The following GRM8 variants were observed in gnomAD, a reference collection of about 807,000 sequenced individuals.
GRM8 encodes metabotropic glutamate receptor 8.
GRM8 carries 47 observed loss-of-function variants against 87.2 expected under a neutral mutation model. That is an observed-to-expected ratio of 0.54 (90% CI 0.43 to 0.69). The LOEUF is 0.69. Among genes scored for constraint, GRM8 ranks in the 30% least tolerant of loss-of-function variants. GRM8 has a pLI of 0.00. For synonymous variants in GRM8, 396 were observed against 404.5 expected (o/e 0.98, Z 0.25); for missense variants, 1,019 against 1,139.2 (o/e 0.89, Z 1.52).
chr7:126,693,572 T>A lies in GRM8; in HGVS notation c.1357+76293A>T, dbSNP rs531060259. On this transcript the variant is annotated intron_variant, in intron 7 of 10. Coordinates refer to ENST00000339582, the MANE Select transcript of GRM8 (RefSeq NM_000845.3). ...TTATATTCCAATCTATTGACATTTA[T>A]ATATCCTTTGTTTTCTAACATAAAA... Among the ~76,000 whole-genome samples, 12 of 152,292 alleles carry A rather than the reference T, an allele frequency of 7.9e-5. No homozygotes were observed. The South Asian group carries it at 2.5e-3, about 32-fold the overall frequency.
At chr7:126,958,200 T>A (rs1223070808) in intron 3 of GRM8, among the ~76,000 whole-genome samples, 1 of 152,122 alleles carries the variant, frequency 6.6e-6, no homozygotes, top group East Asian at 1.9e-4. Flanking sequence ...TCATTCTTCC[T>A]GGATGTGGGA....
At chr7:126,727,919 T>C (rs1403183030) in intron 7 of GRM8, among the ~76,000 whole-genome samples, 1 of 152,176 alleles carries the variant, frequency 6.6e-6, no homozygotes, top group East Asian at 1.9e-4. Context: ...TTATTGTATG[T>C]ACACATGAGC....
intron 7 of GRM8, among the ~76,000 whole-genome samples, chr7:126,693,805 A>G (rs971122483): frequency 6.6e-6 from 1 of 152,096 alleles, no homozygotes; most frequent in African/African-American, 2.4e-5. Context: ...CTTCTTATCA[A>G]TCCAAAATAT....
chr7:126,645,131 A>T (rs1802895059), intron 7 of GRM8, among the ~76,000 whole-genome samples: 1 of 152,194 alleles, frequency 6.6e-6, no homozygotes, highest in African/African-American at 2.4e-5. Context: ...CAGGGACCAA[A>T]AACCACCTTT....
chr7:126,839,843 A>G (rs1326911100), intron 6 of GRM8, among the ~76,000 whole-genome samples: 1 of 152,098 alleles, frequency 6.6e-6, no homozygotes, highest in Non-Finnish European at 1.5e-5. Context: ...TGCTTAATTG[A>G]ATTATTCACA....
At chr7:126,598,880 C>T (rs771783463) in intron 8 of GRM8, among the ~76,000 whole-genome samples, 20 of 152,200 alleles carry the variant, frequency 1.3e-4, no homozygotes, top group Admixed American at 4.6e-4. Context: ...TCTCTTCATT[C>T]CCCACAATGT....
intron 9 of GRM8, among the ~76,000 whole-genome samples, chr7:126,449,317 G>C (rs1271391877): frequency 2.0e-5 from 3 of 151,668 alleles, no homozygotes; most frequent in Non-Finnish European, 4.4e-5. Flanking sequence ...TTTCTTCTCT[G>C]AACAGTAAGT....
intron 7 of GRM8, among the ~76,000 whole-genome samples, chr7:126,719,300 A>C (rs1280884901): frequency 6.6e-6 from 1 of 152,228 alleles, no homozygotes; most frequent in Non-Finnish European, 1.5e-5. Flanking sequence ...ATATAAAAGG[A>C]TATTTTGAAA....
At chr7:126,754,553 A>C (rs1470230869) in intron 7 of GRM8, among the ~76,000 whole-genome samples, 2 of 151,944 alleles carry the variant, frequency 1.3e-5, no homozygotes, top group African/African-American at 4.8e-5. Flanking sequence ...GCAATTCAAA[A>C]TCTACTTTTA....
chr7:127,244,632 G>A (rs909399753), intron 1 of GRM8, among the ~76,000 whole-genome samples: 3 of 152,010 alleles, frequency 2.0e-5, no homozygotes, highest in African/African-American at 7.3e-5. Flanking sequence ...CCTGAAATTT[G>A]GACAGTTCTC....
intron 2 of GRM8, among the ~76,000 whole-genome samples, chr7:127,220,233 TC>T (rs1796833990): frequency 6.6e-6 from 1 of 152,128 alleles, no homozygotes; most frequent in Non-Finnish European, 1.5e-5. Flanking sequence ...CCCAGAGCTG[TC>T]CAGTTCCAGC....
chr7:126,746,924 AAG>A (rs1294631462), intron 7 of GRM8, among the ~76,000 whole-genome samples: 1 of 151,852 alleles, frequency 6.6e-6, no homozygotes, highest in Non-Finnish European at 1.5e-5. Flanking sequence ...ATATAAAAGA[AAG>A]AACACAGTAA....
intron 6 of GRM8, among the ~76,000 whole-genome samples, chr7:126,808,795 C>G (rs1372623121): frequency 6.6e-6 from 1 of 152,024 alleles, no homozygotes; most frequent in Non-Finnish European, 1.5e-5. Flanking sequence ...TTCCAGAGTC[C>G]TCCTCTATTC....
At chr7:126,693,730 T>A (rs1398535028) in intron 7 of GRM8, among the ~76,000 whole-genome samples, 1 of 152,274 alleles carries the variant, frequency 6.6e-6, no homozygotes, top group East Asian at 1.9e-4. Flanking sequence ...CTAGACAGTT[T>A]TCTTTGTTTT....
intron 6 of GRM8, among the ~76,000 whole-genome samples, chr7:126,822,540 T>G (rs1586077540): frequency 6.6e-6 from 1 of 151,652 alleles, no homozygotes; most frequent in Non-Finnish European, 1.5e-5. Flanking sequence ...GTCTCTCTCT[T>G]TCTTTCTTTC....
At chr7:126,790,152 C>T (rs1404724462) in intron 6 of GRM8, among the ~76,000 whole-genome samples, 2 of 152,072 alleles carry the variant, frequency 1.3e-5, no homozygotes, top group Non-Finnish European at 1.5e-5. Flanking sequence ...GGATTACAGG[C>T]GTGCACCACA....
intron 3 of GRM8, among the ~76,000 whole-genome samples, chr7:127,072,824 T>C (rs1821851417): frequency 6.6e-6 from 1 of 152,054 alleles, no homozygotes; most frequent in African/African-American, 2.4e-5. Flanking sequence ...ATCTTAAACA[T>C]TATTTTTAGG....
intron 2 of GRM8, among the ~76,000 whole-genome samples, chr7:127,207,217 GTTC>G (rs1206460798): frequency 2.6e-5 from 4 of 151,962 alleles, no homozygotes; most frequent in African/African-American, 9.7e-5. Context: ...TGCTGATTAT[GTTC>G]TTAAGAGAAA....
At chr7:127,224,125 G>A (rs972490588) in intron 2 of GRM8, among the ~76,000 whole-genome samples, 2 of 152,228 alleles carry the variant, frequency 1.3e-5, no homozygotes, top group African/African-American at 4.8e-5. Context: ...CAGAAGGAGA[G>A]GAAAAAGAGG....
Sources: gnomAD v4.1 joint callset for allele counts (sites outside exome capture counted in the v4.1 genomes callset) on GRCh38, gnomAD v4.1.1 for gene constraint, MANE v1.5 for transcripts, NCBI Gene and HGNC (gene_info 2026-07-23, HGNC 2026-07-21) for gene names.